CPVL: variants seen among roughly 807,000 people sequenced by gnomAD.
CPVL encodes carboxypeptidase vitellogenic like.
In CPVL, 51 loss-of-function variants were observed where a neutral mutation model predicts 63.7. The observed-to-expected ratio is 0.80, with a 90% CI of 0.64 to 1.01. CPVL has a LOEUF of 1.01. CPVL is among the 50% of genes least tolerant of loss of function. The pLI is 0.00. For synonymous variants in CPVL, 195 were observed against 206.0 expected (o/e 0.95, Z 0.46); for missense variants, 530 against 573.1 (o/e 0.92, Z 0.77).
At chr7:29,093,521 A>G (rs1786072575) in intron 5 of CPVL, among the ~76,000 whole-genome samples, 1 of 151,826 alleles carries the variant, frequency 6.6e-6, no homozygotes, top group Admixed American at 6.6e-5. Context: ...AAGCCATTTC[A>G]TCTTCAGTAG....
intron 1 of CPVL, chr7:29,194,396 G>A (rs1429121459): frequency 6.6e-6 from 1 of 152,466 alleles, no homozygotes; most frequent in Non-Finnish European, 1.5e-5. Flanking sequence ...CACCCCCCGA[G>A]CGACCGCGTC....
At chr7:29,046,085 C>CTTT (rs1233373004) in intron 11 of CPVL, among the ~76,000 whole-genome samples, 6 of 135,332 alleles carry the variant, frequency 4.4e-5, no homozygotes, top group African/African-American at 8.4e-5. Context: ...CTAGATGAAC[C>CTTT]TTTTTTTTTT....
intron 12 of CPVL, chr7:29,010,603 T>G (rs1253000823): frequency 6.6e-6 from 1 of 152,216 alleles, no homozygotes; most frequent in Non-Finnish European, 1.5e-5. Flanking sequence ...TGGATACAGC[T>G]GTGGTAGTTT....
In CPVL at chr7:29,089,953, C is replaced by T. The variant is rs192033786; in HGVS notation, c.542+2670G>A. ...TCTCGGCTCACCACAACCTCTGCCT[C>T]CCAGGTTCAAGTGATTCTCCTGCCT... is the stretch of plus-strand genomic sequence containing the variant. On this transcript the variant is annotated intron_variant, in intron 6 of 12. Coordinates refer to ENST00000265394, the MANE Select transcript of CPVL (RefSeq NM_031311.5). Among the ~76,000 whole-genome samples, 1,502 of 151,126 alleles carry T rather than the reference C, an allele frequency of 9.9e-3. 10 individuals are homozygous for T. Among genetic ancestry groups the T allele is most frequent in the Middle Eastern group, 0.027 (8 of 292 alleles).
intron 12 of CPVL, among the ~76,000 whole-genome samples, chr7:28,997,794 T>C (rs533551577): frequency 6.6e-6 from 1 of 152,266 alleles, no homozygotes; most frequent in South Asian, 2.1e-4. Context: ...CCCTCTGAGG[T>C]TTATTGATGA....
chr7:29,040,758 C>CAA (rs1788986097), intron 11 of CPVL, among the ~76,000 whole-genome samples: 1 of 152,138 alleles, frequency 6.6e-6, no homozygotes, highest in South Asian at 2.1e-4. Context: ...AAGTTTGAGT[C>CAA]AGTGTCCAGC....
At chr7:29,054,572 AAACCACCT>A (rs1266021722) in intron 11 of CPVL, among the ~76,000 whole-genome samples, 1 of 152,154 alleles carries the variant, frequency 6.6e-6, no homozygotes, top group African/African-American at 2.4e-5. Context: ...AATTTCATTA[AAACCACCT>A]AAAATATGAA....
At chr7:29,073,712 C>T (rs944365852) in intron 7 of CPVL, among the ~76,000 whole-genome samples, 1 of 152,166 alleles carries the variant, frequency 6.6e-6, no homozygotes, top group African/African-American at 2.4e-5. Context: ...CTCCAACAAA[C>T]TTTTACTTAC....
intron 9 of CPVL, among the ~76,000 whole-genome samples, chr7:29,071,114 AAAAAC>A (rs1441402359): frequency 2.0e-5 from 3 of 152,198 alleles, no homozygotes; most frequent in African/African-American, 7.2e-5. Context: ...AAAAGCAAAA[AAAAAC>A]AAAAAAAACC....
chr7:29,167,284 T>G (rs1279486006), intron 5 of CPVL, among the ~76,000 whole-genome samples: 5 of 152,228 alleles, frequency 3.3e-5, no homozygotes, highest in African/African-American at 1.2e-4. Context: ...CTAGGCTTAC[T>G]TTTTTCATTC....
Position 28,995,872 on chromosome 7 carries a change from C to T in CPVL, c.1331G>A (p.Arg444Gln), listed in dbSNP as rs771602383. Reference sequence around the variant, plus strand: ...ATAGGGTAAAATATGTCCTCCACCTCGAATAATTACCTTAAAAAGAAAAAG... The same window carrying T: ...ATAGGGTAAAATATGTCCTCCACCTTGAATAATTACCTTAAAAAGAAAAAG... ...QAGDFHQVII[R>Q]GGGHILPYDQ... The change falls in exon 13 of 13, where the codon CGA becomes CAA. Residue 444 changes from arginine (R) to glutamine (Q), a missense_variant. By Grantham distance (43) the Arg-to-Gln change is conservative. Coordinates refer to ENST00000265394, the MANE Select transcript of CPVL (RefSeq NM_031311.5). 11 of 1,566,558 alleles carry T rather than the reference C, an allele frequency of 7.0e-6. No homozygotes were observed. Among genetic ancestry groups the T allele is most frequent in the South Asian group, 2.4e-5 (2 of 85,038 alleles).
At chr7:29,010,085 G>A (rs1392191306) in intron 12 of CPVL, 2 of 152,096 alleles carry the variant, frequency 1.3e-5, no homozygotes, top group African/African-American at 4.8e-5. Context: ...AGAAGCAATT[G>A]AACTGAAACA....
intron 5 of CPVL, among the ~76,000 whole-genome samples, chr7:29,167,634 TGTGTAA>T (rs958331129): frequency 2.8e-4 from 43 of 152,314 alleles, no homozygotes; most frequent in African/African-American, 1.0e-3. Flanking sequence ...CAGTCAAAAG[TGTGTAA>T]GTGTTTTTAT....
chr7:29,003,171 CACACACACACACACACAG>C (rs2128127270), intron 12 of CPVL, among the ~76,000 whole-genome samples: 1 of 82,710 alleles, frequency 1.2e-5, no homozygotes, highest in South Asian at 3.2e-4. Context: ...CACACACACA[CACACACACACACACACAG>C]AGAGAATAGC....
intron 12 of CPVL, chr7:29,011,797 A>G (rs1298815213): frequency 6.6e-6 from 1 of 152,230 alleles, no homozygotes; most frequent in Non-Finnish European, 1.5e-5. Flanking sequence ...AAACTACTAT[A>G]ATTTTAATTT....
chr7:29,001,862 T>C (rs527374854), intron 12 of CPVL, among the ~76,000 whole-genome samples: 2 of 152,332 alleles, frequency 1.3e-5, no homozygotes, highest in South Asian at 2.1e-4. Context: ...ACAATACTGT[T>C]TGTAATTTAG....
intron 5 of CPVL, among the ~76,000 whole-genome samples, chr7:29,175,467 T>A (rs190363736): frequency 6.6e-6 from 1 of 152,210 alleles, no homozygotes; most frequent in African/African-American, 2.4e-5. Flanking sequence ...TGAGCCACCA[T>A]GCCTGGCTGA....
intron 12 of CPVL, chr7:29,009,185 A>AT (rs1785525842): frequency 1.0e-5 from 1 of 95,802 alleles, no homozygotes; most frequent in Non-Finnish European, 2.5e-5. Flanking sequence ...ATTTGATGGC[A>AT]TTAAAAAAAA....
At chr7:29,098,186 T>C (rs1172118740) in intron 3 of CPVL, among the ~76,000 whole-genome samples, 4 of 152,140 alleles carry the variant, frequency 2.6e-5, no homozygotes, top group Non-Finnish European at 5.9e-5. Context: ...TTGACCTGGA[T>C]GGCGGGAGAA....
Sources: allele counts gnomAD v4.1 joint callset (sites outside exome capture counted in the v4.1 genomes callset), GRCh38; gene constraint gnomAD v4.1.1; transcripts MANE v1.5; gene names NCBI Gene and HGNC (gene_info 2026-07-23, HGNC 2026-07-21).